The following VPS13B variants were observed in gnomAD, a reference collection of about 807,000 sequenced individuals.
VPS13B encodes the protein intermembrane lipid transfer protein VPS13B.
VPS13B carries 285 observed loss-of-function variants against 426.4 expected under a neutral mutation model. The ratio of observed to expected loss-of-function variants is 0.67; its 90% CI spans 0.61 to 0.74. VPS13B has a LOEUF of 0.74. VPS13B is among the 30% of genes least tolerant of loss of function. The pLI, the probability that VPS13B is intolerant of heterozygous loss-of-function variation, is 0.00. For missense variants in VPS13B, 4,537 were observed against 4,782.6 expected (o/e 0.95, Z 1.51); for synonymous variants, 1,676 against 1,676.4 (o/e 1.00, Z 0.01).
intron 30 of VPS13B, among the ~76,000 whole-genome samples, chr8:99,524,882 C>T (rs1355555354): frequency 1.3e-5 from 2 of 152,136 alleles, no homozygotes; most frequent in Non-Finnish European, 2.9e-5. Context: ...AGTGACATGA[C>T]ATACTTAAAG....
intron 44 of VPS13B, among the ~76,000 whole-genome samples, chr8:99,810,551 C>G (rs1813644927): frequency 6.6e-6 from 1 of 152,004 alleles, no homozygotes; most frequent in African/African-American, 2.4e-5. Context: ...TTATTGTGGG[C>G]CACGGAAATA....
At chr8:99,715,426 T>A (rs922996073) in intron 36 of VPS13B, among the ~76,000 whole-genome samples, 1 of 152,178 alleles carries the variant, frequency 6.6e-6, no homozygotes, top group African/African-American at 2.4e-5. Context: ...TATCTCTTCT[T>A]TGATGTTTTA....
intron 54 of VPS13B, among the ~76,000 whole-genome samples, chr8:99,836,161 G>A (rs1815380731): frequency 6.6e-6 from 1 of 152,052 alleles, no homozygotes; most frequent in Non-Finnish European, 1.5e-5. Flanking sequence ...ACAAATATAA[G>A]TACAGTTTTA....
chr8:99,805,155 G>A (rs1230360137), intron 43 of VPS13B, among the ~76,000 whole-genome samples: 3 of 151,056 alleles, frequency 2.0e-5, no homozygotes, highest in Non-Finnish European at 2.9e-5. Flanking sequence ...TGAATACAAT[G>A]GATTGGGACA....
At chr8:99,591,212 T>C (rs1426401698) in intron 33 of VPS13B, among the ~76,000 whole-genome samples, 13 of 138,696 alleles carry the variant, frequency 9.4e-5, no homozygotes, top group Non-Finnish European at 6.2e-5. Flanking sequence ...TAGATCTTCC[T>C]CCATCCCTTT....
At chr8:99,105,440 G>A (rs1383410468) in intron 5 of VPS13B, among the ~76,000 whole-genome samples, 1 of 152,050 alleles carries the variant, frequency 6.6e-6, no homozygotes, top group South Asian at 2.1e-4. Context: ...GTGCAGTGAC[G>A]CAATCTTGGC....
intron 44 of VPS13B, among the ~76,000 whole-genome samples, chr8:99,811,322 A>C (rs1402763645): frequency 6.6e-6 from 1 of 152,166 alleles, no homozygotes; most frequent in Non-Finnish European, 1.5e-5. Context: ...AGAACTCCAC[A>C]AGTCACCTCT....
chr8:99,687,840 T>A (rs911149993), intron 35 of VPS13B, among the ~76,000 whole-genome samples: 1 of 152,058 alleles, frequency 6.6e-6, no homozygotes, highest in Non-Finnish European at 1.5e-5. Context: ...AGTTCCTTTT[T>A]TTTTTATGGA....
chr8:99,220,213 T>C (rs980447301), intron 17 of VPS13B, among the ~76,000 whole-genome samples: 1 of 152,204 alleles, frequency 6.6e-6, no homozygotes, highest in Non-Finnish European at 1.5e-5. Flanking sequence ...CAATAGTTTC[T>C]GAGGCCTTGT....
intron 2 of VPS13B, among the ~76,000 whole-genome samples, chr8:99,035,343 C>T: frequency 6.6e-6 from 1 of 152,116 alleles, no homozygotes; most frequent in South Asian, 2.1e-4. Flanking sequence ...TTTCCCCTGC[C>T]CCAGCCCTTG....
At chr8:99,040,641 TTA>T (rs1259608108) in intron 3 of VPS13B, among the ~76,000 whole-genome samples, 3 of 152,158 alleles carry the variant, frequency 2.0e-5, no homozygotes, top group African/African-American at 7.2e-5. Context: ...CTGAATTAGT[TTA>T]TATTCAAAGT....
intron 33 of VPS13B, among the ~76,000 whole-genome samples, chr8:99,597,493 A>T (rs1034293263): frequency 1.6e-4 from 24 of 152,028 alleles, no homozygotes; most frequent in African/African-American, 4.3e-4. Context: ...TCTTGATGAC[A>T]TCATCTGATT....
chr8:99,703,195 T>C (rs1832356841), intron 36 of VPS13B, among the ~76,000 whole-genome samples: 1 of 152,182 alleles, frequency 6.6e-6, no homozygotes, highest in Admixed American at 6.5e-5. Flanking sequence ...TTCCTCTTAT[T>C]ATCATTTGGA....
At chr8:99,764,754 T>C (rs557382462) in intron 39 of VPS13B, among the ~76,000 whole-genome samples, 2 of 152,100 alleles carry the variant, frequency 1.3e-5, no homozygotes, top group Non-Finnish European at 2.9e-5. Context: ...TGTGTAGAAA[T>C]ACATCCTATA....
At chr8:99,259,165 C>T (rs556488275) in intron 17 of VPS13B, among the ~76,000 whole-genome samples, 3 of 152,052 alleles carry the variant, frequency 2.0e-5, no homozygotes, top group South Asian at 2.1e-4. Flanking sequence ...GAAAACTTAG[C>T]GTAGTTTAAT....
chr8:99,586,315 C>G (rs1278656979), intron 33 of VPS13B, among the ~76,000 whole-genome samples: 2 of 152,128 alleles, frequency 1.3e-5, no homozygotes, highest in Non-Finnish European at 2.9e-5. Context: ...AAGTTAAGGC[C>G]TCAGAGCTGT....
In VPS13B at chr8:99,375,790, G is replaced by A. The variant is rs184513457; in HGVS notation, c.2825-8418G>A. On this transcript the variant is annotated intron_variant, in intron 19 of 61. Transcript: ENST00000357162. ...CAAATCTACAAATTTCTTTACTATAGCTGCTTAGTAGAAAAATAGTGAGTT... is the reference window on the plus strand; with the variant it reads ...CAAATCTACAAATTTCTTTACTATAACTGCTTAGTAGAAAAATAGTGAGTT... Among the ~76,000 whole-genome samples the A allele has an allele frequency of 4.6e-3, 696 of 152,228 alleles. 5 individuals carry two copies. The highest frequency in any genetic ancestry group is 0.016 in the African/African-American group (656 of 41,522).
At chr8:99,547,278 T>C (rs947588876) in intron 30 of VPS13B, among the ~76,000 whole-genome samples, 10 of 152,198 alleles carry the variant, frequency 6.6e-5, no homozygotes, top group African/African-American at 2.2e-4. Context: ...CCCTAATCGT[T>C]GGTGATGGAA....
At chr8:99,392,958 C>G (rs1814522379) in intron 21 of VPS13B, among the ~76,000 whole-genome samples, 2 of 151,704 alleles carry the variant, frequency 1.3e-5, no homozygotes, top group African/African-American at 4.8e-5. Context: ...CTTTAAATGT[C>G]ATGTTAAGTT....
Sources: allele counts gnomAD v4.1 joint callset (sites outside exome capture counted in the v4.1 genomes callset), GRCh38; gene constraint gnomAD v4.1.1; transcripts MANE v1.5; gene names NCBI Gene and HGNC (gene_info 2026-07-23, HGNC 2026-07-21).